ADAMTSL1: variants seen among roughly 807,000 people sequenced by gnomAD.
ADAMTSL1 encodes the protein ADAMTS-like protein 1.
A neutral mutation model predicts 201.8 loss-of-function variants in ADAMTSL1; 126 were observed. The ratio of observed to expected loss-of-function variants is 0.62; its 90% confidence interval spans 0.54 to 0.72. ADAMTSL1 has a LOEUF of 0.72. ADAMTSL1 is among the 30% of genes least tolerant of loss of function. The probability of loss-of-function intolerance (pLI) is 0.00; values close to 1 mark genes in which losing one functional copy is unlikely to be tolerated. For synonymous variants in ADAMTSL1, 1,121 were observed against 903.4 expected, an observed-to-expected ratio of 1.24 and a Z score of -4.32; for missense variants, 2,679 against 2,277.8, an observed-to-expected ratio of 1.18 and a Z score of -3.59.
intron 2 of ADAMTSL1, among the ~76,000 whole-genome samples, chr9:18,304,296 C>G (rs1330291877): frequency 6.6e-6 from 1 of 151,900 alleles, no homozygotes; most frequent in African/African-American, 2.4e-5. Flanking sequence ...CACTCCTGCC[C>G]CTACCCTCAA....
intron 4 of ADAMTSL1, among the ~76,000 whole-genome samples, chr9:18,579,304 A>T (rs574369081): frequency 7.2e-6 from 1 of 138,002 alleles, no homozygotes; most frequent in Non-Finnish European, 1.5e-5. Flanking sequence ...ATGAGATCAC[A>T]TGGACACAGG....
intron 1 of ADAMTSL1, among the ~76,000 whole-genome samples, chr9:17,975,478 A>G (rs1188574741): frequency 6.6e-6 from 1 of 152,028 alleles, no homozygotes; most frequent in Non-Finnish European, 1.5e-5. Context: ...CCACTCATCA[A>G]GAGCACTAAT....
chr9:18,674,654 G>T (rs1830033729), intron 9 of ADAMTSL1, among the ~76,000 whole-genome samples: 1 of 151,830 alleles, frequency 6.6e-6, no homozygotes, highest in South Asian at 2.1e-4. Flanking sequence ...AAAATATAAA[G>T]ATCAACATAT....
At chr9:18,707,647 G>A (rs1320802038) in intron 14 of ADAMTSL1, among the ~76,000 whole-genome samples, 2 of 152,218 alleles carry the variant, frequency 1.3e-5, no homozygotes, top group Admixed American at 6.5e-5. Flanking sequence ...GCTGGTGAGC[G>A]ACAGAGCTGG....
chr9:18,291,309 A>T (rs1362996502), intron 2 of ADAMTSL1, among the ~76,000 whole-genome samples: 1 of 152,216 alleles, frequency 6.6e-6, no homozygotes, highest in Non-Finnish European at 1.5e-5. Context: ...TTCATGAATA[A>T]GTCAGAACGC....
chr9:18,052,791 G>C (rs1045846230), intron 1 of ADAMTSL1, among the ~76,000 whole-genome samples: 1 of 149,486 alleles, frequency 6.7e-6, no homozygotes, highest in East Asian at 1.9e-4. Flanking sequence ...GTACTAGAGT[G>C]GGGGTGGGGG....
chr9:18,484,832 T>C (rs1821904365), intron 1 of ADAMTSL1, among the ~76,000 whole-genome samples: 1 of 152,198 alleles, frequency 6.6e-6, no homozygotes, highest in African/African-American at 2.4e-5. Context: ...CTCAGACTTT[T>C]GGATTTCATA....
intron 1 of ADAMTSL1, among the ~76,000 whole-genome samples, chr9:18,151,297 T>C (rs559190966): frequency 6.6e-6 from 1 of 152,098 alleles, no homozygotes; most frequent in Non-Finnish European, 1.5e-5. Context: ...TTGCTGAACA[T>C]CTATTCTATA....
intron 1 of ADAMTSL1, among the ~76,000 whole-genome samples, chr9:17,959,556 T>G (rs1817649757): frequency 2.0e-5 from 3 of 152,238 alleles, no homozygotes; most frequent in African/African-American, 7.2e-5. Flanking sequence ...CCTCCCAGAT[T>G]CAAGTGATTC....
At chr9:18,530,101 G>A (rs1819348230) in intron 2 of ADAMTSL1, among the ~76,000 whole-genome samples, 2 of 152,128 alleles carry the variant, frequency 1.3e-5, no homozygotes, top group South Asian at 4.1e-4. Flanking sequence ...GTTTTGTTTA[G>A]GAAGCAGTAT....
At chr9:18,664,745 A>C (rs560650823) in intron 9 of ADAMTSL1, among the ~76,000 whole-genome samples, 2 of 152,220 alleles carry the variant, frequency 1.3e-5, no homozygotes, top group East Asian at 3.9e-4. Flanking sequence ...AAACCGCATT[A>C]AACAATTAAG....
intron 1 of ADAMTSL1, among the ~76,000 whole-genome samples, chr9:18,124,933 T>C (rs576719308): frequency 6.6e-6 from 1 of 152,264 alleles, no homozygotes. Flanking sequence ...GAATTTTCTG[T>C]TTTCTTAGGA....
At chr9:18,405,563 T>C (rs1818156471) in intron 2 of ADAMTSL1, among the ~76,000 whole-genome samples, 1 of 150,604 alleles carries the variant, frequency 6.6e-6, no homozygotes, top group Non-Finnish European at 1.5e-5. Flanking sequence ...AAAAAGGTCA[T>C]GCCATGCTCA....
chr9:18,036,666 A>G (rs1293767151), intron 1 of ADAMTSL1, among the ~76,000 whole-genome samples: 1 of 152,166 alleles, frequency 6.6e-6, no homozygotes. Context: ...AGCAAAGAAA[A>G]TAGGCTTAGG....
At chr9:18,026,556 C>A (rs993172001) in intron 1 of ADAMTSL1, among the ~76,000 whole-genome samples, 1 of 151,970 alleles carries the variant, frequency 6.6e-6, no homozygotes, top group African/African-American at 2.4e-5. Flanking sequence ...AGGAATAAAG[C>A]TATTTAATAG....
chr9:18,260,318 G>GA (rs1831866347), intron 2 of ADAMTSL1, among the ~76,000 whole-genome samples: 1 of 152,214 alleles, frequency 6.6e-6, no homozygotes, highest in African/African-American at 2.4e-5. Flanking sequence ...TCAATGGCAT[G>GA]AAAAACAACT....
At chr9:18,399,318 T>TATATATATATATATACATAC (rs1563934781) in intron 2 of ADAMTSL1, among the ~76,000 whole-genome samples, 4 of 100,796 alleles carry the variant, frequency 4.0e-5, no homozygotes, top group Non-Finnish European at 8.1e-5. Flanking sequence ...TATATATATA[T>TATATATATATATATACATAC]ATATATATAT....
Position 18,677,977 on chromosome 9 carries a change from C to T in ADAMTSL1, c.1136+2070C>T, listed in dbSNP as rs571882108. 2.0e-5 allele frequency among the ~76,000 whole-genome samples: 3 copies of T among 152,084 alleles called. No homozygotes were observed. The South Asian group carries it at 6.2e-4, about 32-fold the overall frequency. On this transcript the variant is annotated intron_variant, in intron 10 of 28. Transcript: ENST00000380548. ...TCTCAAATGGCAGCTACCCACTGAT[C>T]AAGGCCATTTAAATTATTTAAATGG...
intron 2 of ADAMTSL1, among the ~76,000 whole-genome samples, chr9:18,432,733 G>A (rs1819552810): frequency 6.6e-6 from 1 of 152,150 alleles, no homozygotes; most frequent in African/African-American, 2.4e-5. Flanking sequence ...TACCGGCTCT[G>A]AAACTCATAC....
Sources: gnomAD v4.1 joint callset for allele counts (sites outside exome capture counted in the v4.1 genomes callset) on GRCh38, gnomAD v4.1.1 for gene constraint, MANE v1.5 for transcripts, NCBI Gene and HGNC (gene_info 2026-07-23, HGNC 2026-07-21) for gene names.